Variants in CD247 observed in about 807,000 individuals in gnomAD.
CD247 encodes CD247 molecule, also known as T-cell surface glycoprotein CD3 zeta chain.
Under a neutral mutation model 30.0 loss-of-function variants are expected in CD247, and 13 were observed. The observed-to-expected ratio is 0.43, with a 90% confidence interval of 0.28 to 0.69. CD247 has a LOEUF of 0.69. Among genes scored for constraint, CD247 ranks in the 30% least tolerant of loss-of-function variants. CD247 has a pLI of 0.16. For synonymous variants in CD247, 72 were observed against 80.0 expected, an observed-to-expected ratio of 0.90 and a Z score of 0.53; for missense variants, 193 against 212.6, an observed-to-expected ratio of 0.91 and a Z score of 0.57.
At chr1:167,439,436 C>G in intron 2 of CD247, 36 bp from the exon 3 acceptor site, 1 of 1,609,880 alleles carries the variant, frequency 6.2e-7, no homozygotes. Context: ...TACTGCTCCG[C>G]GAGGGCGCGC....
intron 1 of CD247, among the ~76,000 whole-genome samples, chr1:167,495,323 C>T (rs570401290): frequency 1.4e-4 from 21 of 152,270 alleles, no homozygotes; most frequent in Non-Finnish European, 2.2e-4. Context: ...CAATAATGGA[C>T]GGGTGTGCTC....
intron 1 of CD247, among the ~76,000 whole-genome samples, chr1:167,503,265 C>G (rs1654986550): frequency 6.6e-6 from 1 of 151,994 alleles, no homozygotes; most frequent in Non-Finnish European, 1.5e-5. Context: ...TGCAAAGTTT[C>G]CTCCTCCTCC....
intron 7 of CD247, among the ~76,000 whole-genome samples, chr1:167,432,262 G>C (rs972036270): frequency 1.2e-4 from 19 of 152,148 alleles, no homozygotes; most frequent in African/African-American, 3.9e-4. Context: ...TGTTTTCTTG[G>C]TCACGAACAG....
chr1:167,487,169 G>A (rs757377002), intron 1 of CD247, among the ~76,000 whole-genome samples: 2 of 133,210 alleles, frequency 1.5e-5, no homozygotes, highest in Non-Finnish European at 3.3e-5. Context: ...ACGGGGTCAG[G>A]AGTTCAAGAC....
Position 167,440,712 on chromosome 1 carries a change from GA to G in CD247, c.113del (p.Ile38ThrfsTer14). ...TGAGAATGACACCATAGATGAAGAG[GA>G]TTCCATCCAGCAGGTAGCAGAGTTT... The part of the protein sequence containing the change: ...DPKLCYLLDG[I>X]LFIYGVILTA... On this transcript the variant is annotated frameshift_variant, in exon 2 of 8. Transcript: ENST00000362089. LOFTEE classifies it high-confidence loss of function. 8.1e-6 allele frequency: 13 copies of G among 1,613,832 alleles called. No individual in the cohort carries two copies. Among genetic ancestry groups the G allele is most frequent in the Non-Finnish European group, 1.1e-5 (13 of 1,179,870 alleles).
intron 1 of CD247, among the ~76,000 whole-genome samples, chr1:167,488,518 G>A (rs1200214638): frequency 6.6e-6 from 1 of 152,200 alleles, no homozygotes; most frequent in Non-Finnish European, 1.5e-5. Context: ...CTGAACACAG[G>A]CCAGGGGGAT....
intron 1 of CD247, among the ~76,000 whole-genome samples, chr1:167,513,055 A>G (rs2988275): frequency 0.4 from 60,794 of 152,090 alleles, 12,838 homozygotes; most frequent in East Asian, 0.82. Context: ...CTACATATGT[A>G]AAGATTTTCT....
At chr1:167,465,327 C>CTTTTTTTTTT (rs765176193) in intron 1 of CD247, among the ~76,000 whole-genome samples, 6 of 115,340 alleles carry the variant, frequency 5.2e-5, no homozygotes, top group Non-Finnish European at 6.9e-5. Flanking sequence ...TTTTCTTTTT[C>CTTTTTTTTTT]TTTTTTTTTT....
chr1:167,476,013 G>T (rs753004648), intron 1 of CD247, among the ~76,000 whole-genome samples: 4 of 152,088 alleles, frequency 2.6e-5, no homozygotes, highest in Non-Finnish European at 4.4e-5. Flanking sequence ...TTCTTTAAAG[G>T]GTGCTTATCT....
At chr1:167,436,026 C>T (rs1422097832) in intron 4 of CD247, among the ~76,000 whole-genome samples, 1 of 152,222 alleles carries the variant, frequency 6.6e-6, no homozygotes, top group African/African-American at 2.4e-5. Flanking sequence ...ACTGCCCTTA[C>T]ACCAGGACAG....
chr1:167,493,262 C>T (rs973385585), intron 1 of CD247, among the ~76,000 whole-genome samples: 5 of 151,936 alleles, frequency 3.3e-5, no homozygotes, highest in African/African-American at 7.3e-5. Flanking sequence ...AGGCTGGTCT[C>T]GAACTCCTGA....
chr1:167,506,543 T>C (rs1258976718), intron 1 of CD247, among the ~76,000 whole-genome samples: 1 of 152,038 alleles, frequency 6.6e-6, no homozygotes, highest in Non-Finnish European at 1.5e-5. Flanking sequence ...TTTTTATTTT[T>C]TTTGTATTTT....
At chr1:167,443,903 T>C (rs1042117969) in intron 1 of CD247, among the ~76,000 whole-genome samples, 7 of 152,176 alleles carry the variant, frequency 4.6e-5, no homozygotes, top group Admixed American at 1.3e-4. Context: ...AGGAAGACAG[T>C]CATGGCCCAG....
intron 1 of CD247, among the ~76,000 whole-genome samples, chr1:167,495,868 A>C (rs1489185130): frequency 1.3e-5 from 2 of 151,992 alleles, no homozygotes; most frequent in African/African-American, 4.8e-5. Flanking sequence ...ATCCCTGCAT[A>C]CCCTACCCAA....
At chr1:167,493,990 G>A (rs925632962) in intron 1 of CD247, among the ~76,000 whole-genome samples, 2 of 152,158 alleles carry the variant, frequency 1.3e-5, no homozygotes, top group African/African-American at 4.8e-5. Flanking sequence ...GTGTCTGCAG[G>A]TGCAGCCTCC....
intron 1 of CD247, among the ~76,000 whole-genome samples, chr1:167,502,976 C>T (rs1304560930): frequency 6.6e-6 from 1 of 152,180 alleles, no homozygotes; most frequent in Non-Finnish European, 1.5e-5. Flanking sequence ...TTAAACCACT[C>T]AGTTTGTGGC....
chr1:167,433,013 G>C lies in CD247; in HGVS notation c.429+11C>G. 1.2e-6 allele frequency: 2 copies of C among 1,614,154 alleles called. No homozygotes were observed. Among genetic ancestry groups the C allele is most frequent in the Non-Finnish European group, 1.7e-6 (2 of 1,179,948 alleles). On this transcript the variant is annotated intron_variant, in intron 7 of 7. Coordinates refer to ENST00000362089, the MANE Select transcript of CD247 (RefSeq NM_198053.3). ...TGCCCCTTCCACTGAAGGGACGCCG[G>C]CAGCTCCTACCTGGTAAAGGCCATC...
intron 1 of CD247, among the ~76,000 whole-genome samples, chr1:167,451,559 G>A (rs2102011132): frequency 6.6e-6 from 1 of 152,290 alleles, no homozygotes; most frequent in Non-Finnish European, 1.5e-5. Context: ...CACCCAGAAA[G>A]TGGTTGTTTG....
intron 1 of CD247, among the ~76,000 whole-genome samples, chr1:167,447,674 G>A (rs1652152021): frequency 6.6e-6 from 1 of 152,046 alleles, no homozygotes; most frequent in South Asian, 2.1e-4. Flanking sequence ...TAATCACAGC[G>A]ACCTCCCAGG....
Sources: gnomAD v4.1 joint callset for allele counts (sites outside exome capture counted in the v4.1 genomes callset) on GRCh38, gnomAD v4.1.1 for gene constraint, MANE v1.5 for transcripts, NCBI Gene and HGNC (gene_info 2026-07-23, HGNC 2026-07-21) for gene names.